The following ERO1A variants were observed in gnomAD, a reference collection of about 807,000 sequenced individuals.
ERO1A encodes ERO1-like protein alpha.
ERO1A carries 49 observed loss-of-function variants against 76.9 expected under a neutral mutation model. The ratio of observed to expected loss-of-function variants is 0.64; its 90% CI spans 0.51 to 0.81. The LOEUF is 0.81. Ranked by LOEUF, ERO1A falls within the 30% of genes least tolerant of loss-of-function variation. The pLI is 0.00. For synonymous variants in ERO1A, 174 were observed against 181.2 expected (o/e 0.96, Z 0.32); for missense variants, 448 against 542.1 (o/e 0.83, Z 1.72).
At chr14:52,674,771 G>C (rs960200001) in intron 4 of ERO1A, among the ~76,000 whole-genome samples, 1 of 152,188 alleles carries the variant, frequency 6.6e-6, no homozygotes, top group African/African-American at 2.4e-5. Flanking sequence ...GCAGGATAAT[G>C]CTAACATTCT....
chr14:52,682,672 G>A (rs1198085987), intron 2 of ERO1A, among the ~76,000 whole-genome samples: 1 of 152,172 alleles, frequency 6.6e-6, no homozygotes, highest in African/African-American at 2.4e-5. Flanking sequence ...GCCGAGGGGG[G>A]CGGATCACCT....
intron 15 of ERO1A, among the ~76,000 whole-genome samples, chr14:52,645,199 A>T (rs996986988): frequency 7.2e-5 from 11 of 152,122 alleles, no homozygotes; most frequent in Admixed American, 6.6e-4. Context: ...ATAATTGGAT[A>T]AAAAAACTGC....
Position 52,695,430 on chromosome 14 carries a change from G to A in ERO1A, c.52C>T (p.Leu18Phe). Reference sequence around the variant, plus strand: ...TGCTCCTCTCCGTGGCCCGAGCTGAGCAGCCACACGGCGCCCAGGAGGCCA... The same window carrying A: ...TGCTCCTCTCCGTGGCCCGAGCTGAACAGCCACACGGCGCCCAGGAGGCCA... Reference protein sequence around the residue: ...LFGLLGAVWLLSSGHGEEQPP... With the variant: ...LFGLLGAVWLFSSGHGEEQPP... Residue 18 changes from leucine (L) to phenylalanine (F), a missense_variant, in exon 1 of 16, where the codon CTC becomes TTC. Leu to Phe is a conservative substitution (Grantham distance 22). Coordinates refer to ENST00000395686, the MANE Select transcript of ERO1A (RefSeq NM_014584.3). 2 of 1,553,310 alleles carry A rather than the reference G, an allele frequency of 1.3e-6. No homozygotes were observed. The highest frequency in any genetic ancestry group is 1.7e-6 in the Non-Finnish European group (2 of 1,149,972).
intron 11 of ERO1A, 55 bp from the exon 12 acceptor site, chr14:52,653,370 AATTAT>A (rs1208453213): frequency 7.0e-7 from 1 of 1,433,234 alleles, no homozygotes; most frequent in South Asian, 1.4e-5. Context: ...TTTTTACTTT[AATTAT>A]ATTAGGTTAT....
Position 52,682,248 on chromosome 14 carries a change from C to A in ERO1A, c.318+77G>T, listed in dbSNP as rs190119644. The A allele has an allele frequency of 3.8e-4, 463 of 1,214,020 alleles. 1 individual carries two copies. The African/African-American group carries it at 4.8e-3, about 13-fold the overall frequency. 75.2% of individuals were successfully genotyped at this position (1,214,020 alleles called of 1,614,324 possible). ...ATCTCTATTTTTTCAAAAAAAAATT[C>A]TTAAATAAAACAAAACAAAAAGTTA... On this transcript the variant is annotated intron_variant, in intron 3 of 15. Coordinates refer to ENST00000395686, the MANE Select transcript of ERO1A (RefSeq NM_014584.3).
intron 9 of ERO1A, 78 bp downstream of exon 9, chr14:52,661,215 A>G (rs547393830): frequency 6.6e-4 from 360 of 549,450 alleles, no homozygotes; most frequent in Non-Finnish European, 1.0e-3. Flanking sequence ...GTGAGAAGAA[A>G]AAAATAAACT....
intron 8 of ERO1A, among the ~76,000 whole-genome samples, chr14:52,662,496 C>G (rs1235908509): frequency 6.6e-6 from 1 of 152,088 alleles, no homozygotes; most frequent in East Asian, 1.9e-4. Context: ...AAATGAAAAC[C>G]TTACACTTTT....
chr14:52,654,319 A>C (rs1417074974), intron 11 of ERO1A, among the ~76,000 whole-genome samples: 1 of 152,128 alleles, frequency 6.6e-6, no homozygotes, highest in Non-Finnish European at 1.5e-5. Flanking sequence ...TGCACACAAA[A>C]CAATTTTTAG....
chr14:52,686,964 T>C (rs2041197240), intron 1 of ERO1A, among the ~76,000 whole-genome samples: 1 of 150,258 alleles, frequency 6.7e-6, no homozygotes, highest in African/African-American at 2.5e-5. Context: ...GCTAAGGGAG[T>C]ATAAGGGTGG....
At chr14:52,648,663 CTGAGTA>C (rs1333844203) in intron 13 of ERO1A, among the ~76,000 whole-genome samples, 4 of 152,104 alleles carry the variant, frequency 2.6e-5, no homozygotes, top group African/African-American at 9.7e-5. Flanking sequence ...TTGAAAGTTC[CTGAGTA>C]TAAGAGACTC....
intron 1 of ERO1A, among the ~76,000 whole-genome samples, chr14:52,688,004 A>G (rs2041233128): frequency 6.6e-6 from 1 of 152,102 alleles, no homozygotes; most frequent in East Asian, 1.9e-4. Context: ...TGGGCAACAC[A>G]GTGAGGCCCT....
At chr14:52,647,065 T>TCCCAGGTTCA (rs1045472163) in intron 13 of ERO1A, 1 of 120,806 alleles carries the variant, frequency 8.3e-6, no homozygotes, top group Non-Finnish European at 1.6e-5. Context: ...AAGCTCTGCC[T>TCCCAGGTTCA]CCCAGGTTCA....
intron 11 of ERO1A, among the ~76,000 whole-genome samples, chr14:52,656,575 G>A (rs1016807246): frequency 6.6e-6 from 1 of 151,800 alleles, no homozygotes; most frequent in South Asian, 2.1e-4. Context: ...AGCTGGGTGT[G>A]GTGGCATGCA....
At chr14:52,658,578 T>C (rs1449581054) in intron 9 of ERO1A, 1 of 155,090 alleles carries the variant, frequency 6.4e-6, no homozygotes, top group Admixed American at 6.5e-5. Context: ...GGGTACTATT[T>C]GTATTTAGCT....
chr14:52,645,847 T>TACACAC (rs113770296), intron 15 of ERO1A, among the ~76,000 whole-genome samples: 2 of 145,232 alleles, frequency 1.4e-5, no homozygotes, highest in African/African-American at 2.5e-5. Context: ...CTACTAAAAA[T>TACACAC]ACACACACAC....
chr14:52,658,269 C>T, intron 9 of ERO1A, 119 bp from the exon 10 acceptor site: 1 of 693,740 alleles, frequency 1.4e-6, no homozygotes, highest in Non-Finnish European at 2.4e-6. Context: ...ATTATTTAAC[C>T]TAACGGTCCA....
In ERO1A at chr14:52,695,383, C is replaced by A. The variant is rs373905135; in HGVS notation, c.99G>T (p.Gln33His). 1.3e-6 allele frequency: 2 copies of A among 1,504,384 alleles called. No homozygotes were observed. Among genetic ancestry groups the A allele is most frequent in the East Asian group, 2.7e-5 (1 of 37,382 alleles). The allele number at this position is 1,504,384 out of a possible 1,614,324, so 93.2% of individuals were successfully genotyped here. Residue 33 changes from glutamine (Q) to histidine (H), a missense_variant, in exon 1 of 16, where the codon CAG becomes CAT. By Grantham distance (24) the Gln-to-His change is conservative (BLOSUM62 0). Coordinates refer to ENST00000395686, the MANE Select transcript of ERO1A (RefSeq NM_014584.3). ...CATCGCTCACCTGGCAGAAGCACCT[C>A]TGTGCCGCTGTCTCCGGGGGCTGCT... ...GEEQPPETAA[Q>H]RCFCQVSGYL...
At chr14:52,649,660 A>G (rs1022033175) in intron 13 of ERO1A, among the ~76,000 whole-genome samples, 1 of 152,038 alleles carries the variant, frequency 6.6e-6, no homozygotes, top group Admixed American at 6.5e-5. Flanking sequence ...AAAAAAAAAA[A>G]GGAACATATT....
Position 52,642,452 on chromosome 14 carries a change from T to A in ERO1A, c.*1118A>T, listed in dbSNP as rs960110525. The A allele has an allele frequency of 9.9e-5, 15 of 152,218 alleles. No homozygotes were observed. The highest frequency in any genetic ancestry group is 3.1e-4 in the African/African-American group (13 of 41,550). 9.4% of individuals were successfully genotyped at this position (152,218 alleles called of 1,614,324 possible). On this transcript the variant is annotated 3_prime_UTR_variant, in exon 16 of 16. Coordinates refer to ENST00000395686, the MANE Select transcript of ERO1A (RefSeq NM_014584.3). ...ACGGGCAACAAAACTCAAAAAGAACTTTAGATTGGAACTTGAAAGTATTAT... is the reference window on the plus strand; with the variant it reads ...ACGGGCAACAAAACTCAAAAAGAACATTAGATTGGAACTTGAAAGTATTAT...
Sources: allele counts gnomAD v4.1 joint callset (sites outside exome capture counted in the v4.1 genomes callset), GRCh38; gene constraint gnomAD v4.1.1; transcripts MANE v1.5; gene names NCBI Gene and HGNC (gene_info 2026-07-23, HGNC 2026-07-21).